FSAF1: variants seen among roughly 807,000 people sequenced by gnomAD.
The protein encoded by FSAF1 is 40S small subunit processome assembly factor 1, also known as uncharacterized protein C1orf131.
the FSAF1 span, among the ~76,000 whole-genome samples, chr1:231,227,583 C>T: frequency 2.4e-5 from 3 of 124,854 alleles, no homozygotes; most frequent in Admixed American, 8.8e-5. Flanking sequence ...CTCTCGCCCA[C>T]GGTTTTTTTT....
the FSAF1 span, chr1:231,226,648 C>T: frequency 1.8e-5 from 22 of 1,193,890 alleles, no homozygotes; most frequent in Admixed American, 5.2e-5. Context: ...GCCTTCATTG[C>T]TCTCCAAGCA....
At chr1:231,224,476 A>G in the FSAF1 span, 1 of 1,515,546 alleles carries the variant, frequency 6.6e-7, no homozygotes, top group Non-Finnish European at 8.9e-7. Context: ...GCATCACAGT[A>G]CCACCAACCA....
At chr1:231,233,500 A>C in the FSAF1 span, among the ~76,000 whole-genome samples, 1 of 152,222 alleles carries the variant, frequency 6.6e-6, no homozygotes, top group African/African-American at 2.4e-5. Flanking sequence ...ATAATTAAAC[A>C]CATTAATATT....
At chr1:231,225,566 A>C in the FSAF1 span, 1 of 1,552,410 alleles carries the variant, frequency 6.4e-7, no homozygotes, top group Non-Finnish European at 8.9e-7. Context: ...AGTAGTGGAT[A>C]ATGGGATTCA....
chr1:231,226,613 G>A, the FSAF1 span: 1 of 843,592 alleles, frequency 1.2e-6, no homozygotes, highest in Non-Finnish European at 2.0e-6. Context: ...AAGAAATGGG[G>A]AGCATGGGAT....
chr1:231,224,236 T>C, the FSAF1 span: 56 of 1,582,646 alleles, frequency 3.5e-5, no homozygotes, highest in South Asian at 6.0e-4. Flanking sequence ...GCCGCTGCAG[T>C]TGACTCAGTT....
chr1:231,238,176 C>T, the FSAF1 span: 3 of 150,470 alleles, frequency 2.0e-5, no homozygotes, highest in Admixed American at 6.6e-5. Context: ...AACGAGACTC[C>T]GTCTCAAAAA....
the FSAF1 span, among the ~76,000 whole-genome samples, chr1:231,233,224 A>G: frequency 6.6e-6 from 1 of 152,202 alleles, no homozygotes; most frequent in Non-Finnish European, 1.5e-5. Flanking sequence ...GAGTCAGTGT[A>G]CTTGTGTCAC....
the FSAF1 span, chr1:231,239,025 A>G: frequency 6.2e-7 from 1 of 1,614,024 alleles, no homozygotes; most frequent in Non-Finnish European, 8.5e-7. Context: ...GCTCTTCTCT[A>G]AGTTCCTTGA....
At chr1:231,232,561 C>T in the FSAF1 span, among the ~76,000 whole-genome samples, 1,229 of 152,288 alleles carry the variant, frequency 8.1e-3, 18 homozygotes, top group African/African-American at 0.028. Flanking sequence ...TAATTTTTGT[C>T]TTTTAAACCA....
the FSAF1 span, among the ~76,000 whole-genome samples, chr1:231,231,562 C>T: frequency 5.9e-5 from 9 of 152,034 alleles, no homozygotes; most frequent in Non-Finnish European, 8.8e-5. Context: ...TGCAGTGGCG[C>T]GAGGCACGTC....
the FSAF1 span, among the ~76,000 whole-genome samples, chr1:231,229,409 T>A: frequency 6.6e-6 from 1 of 152,254 alleles, no homozygotes; most frequent in Non-Finnish European, 1.5e-5. Context: ...TTGGTGGGAA[T>A]GTTTTACCAC....
the FSAF1 span, among the ~76,000 whole-genome samples, chr1:231,232,898 C>T: frequency 6.6e-6 from 1 of 152,068 alleles, no homozygotes; most frequent in East Asian, 1.9e-4. Flanking sequence ...GAGAGTAGCC[C>T]GGTAAACAAA....
At chr1:231,233,100 T>C in the FSAF1 span, among the ~76,000 whole-genome samples, 2 of 152,224 alleles carry the variant, frequency 1.3e-5, no homozygotes, top group East Asian at 3.8e-4. Context: ...TGGAGTACCA[T>C]GCAGTGGGCT....
At chr1:231,224,501 G>C in the FSAF1 span, 1 of 1,390,900 alleles carries the variant, frequency 7.2e-7, no homozygotes, top group South Asian at 1.4e-5. Flanking sequence ...ACTGCAGTCT[G>C]GCCTGCAAAC....
chr1:231,234,655 A>C, the FSAF1 span, among the ~76,000 whole-genome samples: 1 of 152,166 alleles, frequency 6.6e-6, no homozygotes, highest in South Asian at 2.1e-4. The surrounding 1 kb of genome is among the most constrained non-coding windows in gnomAD (Gnocchi z 4.0). Context: ...CCTTGCATGA[A>C]ATTCTTTGGT....
chr1:231,229,801 C>G, the FSAF1 span, among the ~76,000 whole-genome samples: 12 of 152,208 alleles, frequency 7.9e-5, no homozygotes, highest in East Asian at 2.3e-3. Context: ...TTCACACAGA[C>G]AGAAGCTAGA....
At chr1:231,241,144 T>C in the FSAF1 span, 2 of 1,608,212 alleles carry the variant, frequency 1.2e-6, no homozygotes, top group South Asian at 1.1e-5. Context: ...ACCCTCATTC[T>C]GCCGCGCTGC....
chr1:231,231,338 C>T, the FSAF1 span, among the ~76,000 whole-genome samples: 4 of 152,096 alleles, frequency 2.6e-5, no homozygotes, highest in Non-Finnish European at 4.4e-5. Context: ...TTACTATGAC[C>T]ATATCTAACC....
Sources: gnomAD v4.1 joint callset for allele counts (sites outside exome capture counted in the v4.1 genomes callset) on GRCh38, gnomAD v4.1.1 for gene constraint, Gnocchi (gnomAD v3.1) non-coding constraint, MANE v1.5 for transcripts, NCBI Gene and HGNC (gene_info 2026-07-23, HGNC 2026-07-21) for gene names.